Variants in GRIA4 observed in about 807,000 individuals in gnomAD.
The protein encoded by GRIA4 is glutamate receptor 4.
A neutral mutation model predicts 104.0 loss-of-function variants in GRIA4; 34 were observed. The ratio of observed to expected loss-of-function variants is 0.33; its 90% CI spans 0.25 to 0.44. The LOEUF (loss-of-function observed/expected upper bound fraction) is 0.44. Among genes scored for constraint, GRIA4 ranks in the 20% least tolerant of loss-of-function variants. GRIA4 has a pLI of 1.00. For missense variants in GRIA4, 750 were observed against 1,096.5 expected (o/e 0.68, Z 4.46); for synonymous variants, 386 against 381.9 (o/e 1.01, Z -0.13).
At chr11:105,934,398 T>A (rs1377797340) in intron 14 of GRIA4, among the ~76,000 whole-genome samples, 6 of 152,184 alleles carry the variant, frequency 3.9e-5, no homozygotes, top group Non-Finnish European at 8.8e-5. Context: ...CAAACCACTT[T>A]TTTTCCATTT....
At chr11:105,926,691 T>C (rs754463038) in intron 12 of GRIA4, 50 bp from the exon 13 acceptor site, 1 of 1,106,758 alleles carries the variant, frequency 9.0e-7, no homozygotes, top group East Asian at 2.4e-5. Context: ...CTTTTCTTTC[T>C]CTATGTTGGT....
intron 3 of GRIA4, among the ~76,000 whole-genome samples, chr11:105,716,106 TAAA>T (rs1166096865): frequency 1.8e-4 from 6 of 32,762 alleles, no homozygotes; most frequent in East Asian, 5.8e-4. Flanking sequence ...GTAATTTCCC[TAAA>T]AGTTTAAAAG....
At chr11:105,906,363 G>A (rs1947040946) in intron 9 of GRIA4, among the ~76,000 whole-genome samples, 1 of 152,116 alleles carries the variant, frequency 6.6e-6, no homozygotes, top group African/African-American at 2.4e-5. Context: ...TTTCCTGCTG[G>A]AGGAAAACAA....
At chr11:105,855,477 A>G (rs536675796) in intron 4 of GRIA4, among the ~76,000 whole-genome samples, 1 of 152,260 alleles carries the variant, frequency 6.6e-6, no homozygotes, top group South Asian at 2.1e-4. Flanking sequence ...TAAATTTTAT[A>G]TAGTGTGATA....
chr11:105,952,215 C>A (rs1948471684), intron 14 of GRIA4, among the ~76,000 whole-genome samples: 1 of 152,088 alleles, frequency 6.6e-6, no homozygotes, highest in African/African-American at 2.4e-5. Context: ...TATTTTTAAT[C>A]TGTGTTCAAG....
intron 4 of GRIA4, among the ~76,000 whole-genome samples, chr11:105,763,510 T>C (rs1404054791): frequency 2.6e-5 from 4 of 152,124 alleles, no homozygotes; most frequent in Non-Finnish European, 4.4e-5. Context: ...ATTTTTATTG[T>C]TTTTTTCCTT....
chr11:105,855,291 A>G (rs1944970094), intron 4 of GRIA4, among the ~76,000 whole-genome samples: 1 of 152,148 alleles, frequency 6.6e-6, no homozygotes, highest in Non-Finnish European at 1.5e-5. Flanking sequence ...TTGACACTCA[A>G]AATTATGTCT....
Position 105,905,217 on chromosome 11 carries a change from AG to A in GRIA4, c.1077del (p.Asn360MetfsTer20). The A allele has an allele frequency of 6.2e-7, 1 of 1,604,584 alleles. No homozygotes were observed. Among genetic ancestry groups the A allele is most frequent in the Non-Finnish European group, 8.5e-7 (1 of 1,171,428 alleles). On this transcript the variant is annotated frameshift_variant, in exon 9 of 17. Coordinates refer to ENST00000282499, the MANE Select transcript of GRIA4 (RefSeq NM_000829.4). LOFTEE classifies it high-confidence loss of function. ...CTTAGGTTCGAATTCAAGGGCTGAC[AG>A]GGAATGTTCAGTTTGACCACTATGG... ...LKQVRIQGLT[G>X]NVQFDHYGRR...
At chr11:105,919,625 A>G (rs1947504981) in intron 11 of GRIA4, among the ~76,000 whole-genome samples, 1 of 152,128 alleles carries the variant, frequency 6.6e-6, no homozygotes, top group South Asian at 2.1e-4. Flanking sequence ...TACAACATAA[A>G]TGTTCCTGCC....
chr11:105,745,113 A>G (rs548098410), intron 3 of GRIA4, among the ~76,000 whole-genome samples: 44 of 152,276 alleles, frequency 2.9e-4, no homozygotes, highest in Admixed American at 1.2e-3. Context: ...AAATTTCTGT[A>G]ATCTCTCTTT....
At chr11:105,777,982 C>T (rs1358413026) in intron 4 of GRIA4, among the ~76,000 whole-genome samples, 1 of 152,094 alleles carries the variant, frequency 6.6e-6, no homozygotes, top group Non-Finnish European at 1.5e-5. Flanking sequence ...CTTCATTCTT[C>T]TACATTCTTC....
intron 3 of GRIA4, among the ~76,000 whole-genome samples, chr11:105,713,829 A>G (rs1953999079): frequency 1.3e-5 from 2 of 152,188 alleles, no homozygotes; most frequent in South Asian, 4.1e-4. Context: ...GAAGTAACAA[A>G]AGGACAATTC....
At chr11:105,838,673 G>T (rs538097412) in intron 4 of GRIA4, among the ~76,000 whole-genome samples, 1 of 151,996 alleles carries the variant, frequency 6.6e-6, no homozygotes, top group African/African-American at 2.4e-5. Flanking sequence ...TCTCATAGAC[G>T]CTATTAAAAT....
At position 105,621,035 on chromosome 11, in the gene GRIA4, T is replaced by C. The variant is rs868038443; in HGVS notation, c.247+8601T>C. Among the ~76,000 whole-genome samples the C allele has an allele frequency of 5.3e-5, 8 of 151,876 alleles. No homozygotes were observed. The South Asian group carries it at 8.3e-4, about 16-fold the overall frequency. On this transcript the variant is annotated intron_variant, in intron 3 of 16. Coordinates refer to ENST00000282499, the MANE Select transcript of GRIA4 (RefSeq NM_000829.4). ...GCCTCCGACTTAAGAAAACTGTTGA[T>C]ATTGTCAATAAAAAGTTTAATGTTA...
At chr11:105,768,424 C>G (rs1009528216) in intron 4 of GRIA4, among the ~76,000 whole-genome samples, 6 of 151,972 alleles carry the variant, frequency 3.9e-5, no homozygotes, top group African/African-American at 1.2e-4. Context: ...GCAGTCACAT[C>G]AAGAAACAAT....
intron 4 of GRIA4, among the ~76,000 whole-genome samples, chr11:105,793,523 T>C (rs1942314252): frequency 1.3e-5 from 2 of 152,174 alleles, no homozygotes; most frequent in Non-Finnish European, 2.9e-5. Context: ...TGCAGGACTC[T>C]ATTACCTCTC....
intron 3 of GRIA4, among the ~76,000 whole-genome samples, chr11:105,659,024 G>T (rs1951928222): frequency 1.3e-5 from 2 of 151,946 alleles, no homozygotes; most frequent in South Asian, 4.1e-4. Flanking sequence ...AAATTTGTCA[G>T]AATATTCTAG....
chr11:105,838,565 C>T (rs1000938906), intron 4 of GRIA4, among the ~76,000 whole-genome samples: 27 of 152,146 alleles, frequency 1.8e-4, no homozygotes, highest in Non-Finnish European at 2.9e-5. Flanking sequence ...AGGTTAAAAT[C>T]CCTGAGGACT....
intron 5 of GRIA4, among the ~76,000 whole-genome samples, chr11:105,885,400 G>T (rs1946219269): frequency 6.6e-6 from 1 of 152,134 alleles, no homozygotes. Flanking sequence ...ATAAATTGTG[G>T]ACTAGATAAA....
Sources: gnomAD v4.1 joint callset for allele counts (sites outside exome capture counted in the v4.1 genomes callset) on GRCh38, gnomAD v4.1.1 for gene constraint, MANE v1.5 for transcripts, NCBI Gene and HGNC (gene_info 2026-07-23, HGNC 2026-07-21) for gene names.